The following FOXK2 variants were observed in gnomAD, a reference collection of about 807,000 sequenced individuals.
The protein encoded by FOXK2 is forkhead box K2, also known as forkhead box protein K2.
Under a neutral mutation model 53.3 loss-of-function variants are expected in FOXK2, and 24 were observed. That is an observed-to-expected ratio of 0.45 (90% CI 0.33 to 0.63). The LOEUF (loss-of-function observed/expected upper bound fraction) is 0.63. Ranked by LOEUF, FOXK2 falls within the 30% of genes least tolerant of loss-of-function variation. The probability of loss-of-function intolerance (pLI) is 0.03; values close to 1 mark genes in which losing one functional copy is unlikely to be tolerated. For synonymous variants in FOXK2, 505 were observed against 407.1 expected (o/e 1.24, Z -2.89); for missense variants, 952 against 910.5 (o/e 1.05, Z -0.59).
At chr17:82,536,371 A>G (rs2044520938) in intron 1 of FOXK2, among the ~76,000 whole-genome samples, 1 of 152,114 alleles carries the variant, frequency 6.6e-6, no homozygotes, top group African/African-American at 2.4e-5. Context: ...GATGATGAGA[A>G]CGCAGTAGCT....
intron 8 of FOXK2, among the ~76,000 whole-genome samples, chr17:82,589,669 C>G (rs2045233968): frequency 6.6e-6 from 1 of 151,940 alleles, no homozygotes. Context: ...AGGACAGTGT[C>G]AGCACTGAGG....
intron 1 of FOXK2, among the ~76,000 whole-genome samples, chr17:82,562,002 A>C: frequency 6.6e-6 from 1 of 151,914 alleles, no homozygotes; most frequent in Non-Finnish European, 1.5e-5. Context: ...GTGGCCGGCC[A>C]CTTGTTTGCG....
At position 82,587,340 on chromosome 17, in the gene FOXK2, G is replaced by C; in HGVS notation, c.1786+68G>C. The C allele has an allele frequency of 2.4e-6, 3 of 1,264,382 alleles. No homozygotes were observed. The East Asian group carries it at 7.0e-5, about 30-fold the overall frequency. The allele number at this position is 1,264,382 out of a possible 1,614,324, so 78.3% of individuals were successfully genotyped here. A position where few individuals can be genotyped will look rare whatever the true frequency, so the allele number is the denominator to read the frequency against. On this transcript the variant is annotated intron_variant, in intron 8 of 8. Coordinates refer to ENST00000335255, the MANE Select transcript of FOXK2 (RefSeq NM_004514.4). ...GGGAGCAGAGCCCCTTCTCACTCGT[G>C]GTTTCGGTTCTGACTGTAACAATTT...
intron 2 of FOXK2, among the ~76,000 whole-genome samples, chr17:82,567,486 C>T (rs563076682): frequency 3.6e-4 from 55 of 152,014 alleles, no homozygotes; most frequent in African/African-American, 1.3e-3. Flanking sequence ...CCAGCTGACC[C>T]GCTGCTGCGT....
intron 8 of FOXK2, 49 bp from the exon 9 acceptor site, chr17:82,601,254 G>A (rs200062574): frequency 1.2e-4 from 185 of 1,571,464 alleles, no homozygotes; most frequent in Non-Finnish European, 1.5e-4. Context: ...TCTGAGTCGC[G>A]AGGGTTCACG....
chr17:82,578,231 C>G (rs1890392842), intron 4 of FOXK2: 1 of 152,322 alleles, frequency 6.6e-6, no homozygotes, highest in Non-Finnish European at 1.5e-5. Flanking sequence ...AACAGACAAA[C>G]CGTCCTTGAG....
intron 8 of FOXK2, among the ~76,000 whole-genome samples, chr17:82,591,739 A>G (rs2045254759): frequency 1.3e-5 from 2 of 152,162 alleles, no homozygotes; most frequent in African/African-American, 4.8e-5. Flanking sequence ...AAGCACCCTC[A>G]GAGCTCGCTT....
rs1280244681 is a variant in FOXK2 at position 82,519,801 on chromosome 17, C to A, written c.-88C>A. 2 of 412,022 alleles carry A rather than the reference C, an allele frequency of 4.9e-6. No homozygotes were observed. The highest frequency in any genetic ancestry group is 6.5e-6 in the Non-Finnish European group (2 of 309,722). 25.5% of individuals were successfully genotyped at this position (412,022 alleles called of 1,614,324 possible). A position where few individuals can be genotyped will look rare whatever the true frequency, so the allele number is the denominator to read the frequency against. On this transcript the variant is annotated 5_prime_UTR_variant, in exon 1 of 9. Coordinates refer to ENST00000335255, the MANE Select transcript of FOXK2 (RefSeq NM_004514.4). ...TCGGCCCCCTCCCTCAGCTCCGGTG[C>A]GCGGCGGCCGACGACCCGCGCGGCC...
intron 8 of FOXK2, among the ~76,000 whole-genome samples, chr17:82,595,074 C>T (rs533338206): frequency 3.4e-4 from 52 of 152,314 alleles, no homozygotes; most frequent in East Asian, 7.7e-4. Flanking sequence ...AAACGCAAGC[C>T]GGCATACATT....
intron 1 of FOXK2, among the ~76,000 whole-genome samples, chr17:82,531,693 C>G (rs1432025661): frequency 6.6e-6 from 1 of 152,098 alleles, no homozygotes; most frequent in Non-Finnish European, 1.5e-5. Flanking sequence ...AAATAAGGTA[C>G]AAAAGATAAA....
chr17:82,592,933 A>G (rs2045267169), intron 8 of FOXK2, among the ~76,000 whole-genome samples: 1 of 148,240 alleles, frequency 6.7e-6, no homozygotes, highest in Admixed American at 6.7e-5. Flanking sequence ...AGACCCTGTG[A>G]AGGTCTCCCT....
intron 2 of FOXK2, among the ~76,000 whole-genome samples, chr17:82,567,616 C>T (rs2044866202): frequency 6.6e-6 from 1 of 152,194 alleles, no homozygotes; most frequent in African/African-American, 2.4e-5. Flanking sequence ...GCAGACCCCT[C>T]CCCTCCCCCA....
intron 1 of FOXK2, among the ~76,000 whole-genome samples, chr17:82,524,034 A>C (rs1319457294): frequency 6.6e-6 from 1 of 152,060 alleles, no homozygotes; most frequent in African/African-American, 2.4e-5. Flanking sequence ...AGCTGGGATT[A>C]AGGAGCCCAC....
At chr17:82,573,588 A>C (rs2044947881) in intron 4 of FOXK2, among the ~76,000 whole-genome samples, 2 of 151,406 alleles carry the variant, frequency 1.3e-5, no homozygotes, top group South Asian at 4.2e-4. Flanking sequence ...ACACACACAC[A>C]CACACACACA....
At chr17:82,556,492 A>G (rs2044726147) in intron 1 of FOXK2, among the ~76,000 whole-genome samples, 1 of 149,880 alleles carries the variant, frequency 6.7e-6, no homozygotes, top group African/African-American at 2.5e-5. Context: ...TTTTAAATGT[A>G]TTCCATGGCT....
intron 8 of FOXK2, among the ~76,000 whole-genome samples, chr17:82,597,742 C>T (rs2045331239): frequency 6.6e-6 from 1 of 152,158 alleles, no homozygotes; most frequent in African/African-American, 2.4e-5. Context: ...CCTCTGCCTC[C>T]TGGGTTCAAG....
At chr17:82,540,019 G>T (rs2044559458) in intron 1 of FOXK2, among the ~76,000 whole-genome samples, 1 of 152,028 alleles carries the variant, frequency 6.6e-6, no homozygotes, top group South Asian at 2.1e-4. Flanking sequence ...GGTGGCTCAC[G>T]CCTGTAATCT....
intron 1 of FOXK2, among the ~76,000 whole-genome samples, chr17:82,521,873 C>G (rs989332181): frequency 4.6e-5 from 7 of 151,168 alleles, no homozygotes; most frequent in African/African-American, 1.5e-4. Flanking sequence ...GGAGGTGGAG[C>G]TTGCAGCCAG....
At chr17:82,569,779 A>T (rs2044893165) in intron 3 of FOXK2, among the ~76,000 whole-genome samples, 1 of 149,718 alleles carries the variant, frequency 6.7e-6, no homozygotes, top group Non-Finnish European at 1.5e-5. Flanking sequence ...GCTGAGGCAG[A>T]ATCACTTGAG....
Sources: allele counts gnomAD v4.1 joint callset (sites outside exome capture counted in the v4.1 genomes callset), GRCh38; gene constraint gnomAD v4.1.1; transcripts MANE v1.5; gene names NCBI Gene and HGNC (gene_info 2026-07-23, HGNC 2026-07-21).